GPC5: variants seen among roughly 807,000 people sequenced by gnomAD.
GPC5 encodes the protein glypican 5.
A neutral mutation model predicts 53.9 loss-of-function variants in GPC5; 47 were observed. The observed-to-expected ratio is 0.87, with a 90% CI of 0.69 to 1.11. The LOEUF is 1.11. Ranked by LOEUF, GPC5 falls within the 50% of genes most tolerant of loss-of-function variation. The pLI is 0.00. For missense variants in GPC5, 748 were observed against 713.1 expected, an observed-to-expected ratio of 1.05 and a Z score of -0.56; for synonymous variants, 286 against 263.3, an observed-to-expected ratio of 1.09 and a Z score of -0.84.
At chr13:91,840,526 A>C (rs1217037596) in intron 5 of GPC5, among the ~76,000 whole-genome samples, 1 of 152,008 alleles carries the variant, frequency 6.6e-6, no homozygotes, top group Non-Finnish European at 1.5e-5. Context: ...ACCTTCTGAG[A>C]ATAAAACAGG....
chr13:92,701,320 C>A (rs1887731779), intron 7 of GPC5: 1 of 152,016 alleles, frequency 6.6e-6, no homozygotes, highest in African/African-American at 2.4e-5. Flanking sequence ...TCTCTTTCAC[C>A]AGACCAACAT....
chr13:91,925,106 A>G (rs2039754774), intron 6 of GPC5, among the ~76,000 whole-genome samples: 1 of 152,192 alleles, frequency 6.6e-6, no homozygotes, highest in South Asian at 2.1e-4. Flanking sequence ...GGCGTGAGCT[A>G]CTGTGCCCGG....
In GPC5 at chr13:91,592,716, G is replaced by T. The variant is rs1049183121; in HGVS notation, c.326-100471G>T. On this transcript the variant is annotated intron_variant, in intron 2 of 7. Coordinates refer to ENST00000377067, the MANE Select transcript of GPC5 (RefSeq NM_004466.6). ...ACCCTTGGATTCGGGTTCCAGGTGT[G>T]CTGGGGGATCCAAAGCCTTCCTAGG... Among the ~76,000 whole-genome samples, 5 of 152,218 alleles carry T rather than the reference G, an allele frequency of 3.3e-5. No individual in the cohort carries two copies. The East Asian group carries it at 7.7e-4, about 23-fold the overall frequency.
At chr13:92,192,914 T>G (rs1044292979) in intron 7 of GPC5, among the ~76,000 whole-genome samples, 1 of 152,198 alleles carries the variant, frequency 6.6e-6, no homozygotes, top group South Asian at 2.1e-4. Context: ...CTGTGGCTCA[T>G]GCCTATAATT....
At chr13:91,783,027 C>G (rs1023220043) in intron 5 of GPC5, among the ~76,000 whole-genome samples, 1 of 151,736 alleles carries the variant, frequency 6.6e-6, no homozygotes. Flanking sequence ...TATACAATTT[C>G]GGATCACCTG....
At chr13:91,999,474 G>T (rs2040535362) in intron 6 of GPC5, among the ~76,000 whole-genome samples, 1 of 152,016 alleles carries the variant, frequency 6.6e-6, no homozygotes, top group African/African-American at 2.4e-5. Flanking sequence ...ATTTTGCTTA[G>T]TTGACTTGTT....
chr13:91,833,265 C>A (rs1457398052), intron 5 of GPC5, among the ~76,000 whole-genome samples: 1 of 151,820 alleles, frequency 6.6e-6, no homozygotes, highest in Non-Finnish European at 1.5e-5. Context: ...GCCTACCAAC[C>A]AAAAAAACCT....
intron 6 of GPC5, among the ~76,000 whole-genome samples, chr13:92,077,566 G>A (rs1437684079): frequency 1.3e-5 from 2 of 152,088 alleles, no homozygotes; most frequent in Non-Finnish European, 2.9e-5. Context: ...TTCCTGAATG[G>A]CAGATGAAGG....
chr13:92,133,336 G>A (rs941235194), intron 6 of GPC5, among the ~76,000 whole-genome samples: 5 of 152,114 alleles, frequency 3.3e-5, no homozygotes, highest in East Asian at 3.9e-4. Flanking sequence ...CGAGGGTGTC[G>A]TACTAAATGG....
chr13:91,734,194 A>G (rs551690252), intron 4 of GPC5, among the ~76,000 whole-genome samples: 3 of 151,422 alleles, frequency 2.0e-5, no homozygotes, highest in South Asian at 4.1e-4. Context: ...ATTGTGGTAG[A>G]TAAGTTTTTC....
chr13:92,296,736 G>T (rs2043037880), intron 7 of GPC5, among the ~76,000 whole-genome samples: 1 of 152,208 alleles, frequency 6.6e-6, no homozygotes, highest in South Asian at 2.1e-4. Flanking sequence ...GTGGGCGTGG[G>T]CTTGGTGGGC....
intron 7 of GPC5, among the ~76,000 whole-genome samples, chr13:92,331,827 T>C (rs2043290099): frequency 6.6e-6 from 1 of 152,136 alleles, no homozygotes; most frequent in Non-Finnish European, 1.5e-5. Context: ...CCACAACTTT[T>C]ATTAGAGATG....
chr13:91,581,338 C>A (rs547785198), intron 2 of GPC5, among the ~76,000 whole-genome samples: 120 of 152,230 alleles, frequency 7.9e-4, no homozygotes, highest in African/African-American at 2.8e-3. Flanking sequence ...ACTATTTTGG[C>A]CCCATCATGG....
rs1879376434 is a variant in GPC5 at position 91,430,608 on chromosome 13, C to T, written c.164-18153C>T. 2.0e-5 allele frequency among the ~76,000 whole-genome samples: 3 copies of T among 152,226 alleles called. No homozygotes were observed. The South Asian group carries it at 6.2e-4, about 32-fold the overall frequency. ...CACCATAAAGAAACTCAGGATGAAG[C>T]AAAATCTGTGGGTGGAGAGGCGGAG... On this transcript the variant is annotated intron_variant, in intron 1 of 7. Coordinates refer to ENST00000377067, the MANE Select transcript of GPC5 (RefSeq NM_004466.6).
intron 6 of GPC5, among the ~76,000 whole-genome samples, chr13:92,007,666 A>G (rs1455122323): frequency 2.6e-5 from 4 of 152,050 alleles, no homozygotes; most frequent in African/African-American, 4.8e-5. Context: ...GCTTTTTTAG[A>G]ACTTTGAATC....
rs373649631 is a variant in GPC5 at position 91,848,448 on chromosome 13, G to A, written c.1281-59489G>A. Among the ~76,000 whole-genome samples the A allele has an allele frequency of 1.2e-4, 18 of 152,316 alleles. No individual in the cohort carries two copies. In the East Asian group the frequency reaches 3.5e-3, roughly 29 times the overall value. On this transcript the variant is annotated intron_variant, in intron 5 of 7. Transcript: ENST00000377067. ...TGAGGGAAGAGTTACAGTAAATGCAGTGGGATAGACATACCTATGGGAATA... is the reference window on the plus strand; with the variant it reads ...TGAGGGAAGAGTTACAGTAAATGCAATGGGATAGACATACCTATGGGAATA...
At chr13:92,860,096 T>TG (rs1245915922) in intron 7 of GPC5, among the ~76,000 whole-genome samples, 3 of 152,202 alleles carry the variant, frequency 2.0e-5, no homozygotes, top group African/African-American at 7.2e-5. Flanking sequence ...CCTTAATCTT[T>TG]GGTTTACAGT....
At chr13:92,782,930 A>AAAAT (rs1394557227) in intron 7 of GPC5, among the ~76,000 whole-genome samples, 1 of 152,178 alleles carries the variant, frequency 6.6e-6, no homozygotes, top group Non-Finnish European at 1.5e-5. Context: ...CAAAGAGTGG[A>AAAAT]AAATAGAACT....
At chr13:92,493,170 G>A (rs1879830874) in intron 7 of GPC5, among the ~76,000 whole-genome samples, 1 of 152,140 alleles carries the variant, frequency 6.6e-6, no homozygotes, top group Admixed American at 6.6e-5. Flanking sequence ...ATCTGCATGA[G>A]ATATGTTTGA....
Sources: gnomAD v4.1 joint callset for allele counts (sites outside exome capture counted in the v4.1 genomes callset) on GRCh38, gnomAD v4.1.1 for gene constraint, MANE v1.5 for transcripts, NCBI Gene and HGNC (gene_info 2026-07-23, HGNC 2026-07-21) for gene names.